Variants in TBX5 observed in about 807,000 individuals in gnomAD.
TBX5 encodes T-box transcription factor TBX5.
A neutral mutation model predicts 51.1 loss-of-function variants in TBX5; 8 were observed. That is an observed-to-expected ratio of 0.16 (90% CI 0.09 to 0.28). The LOEUF (loss-of-function observed/expected upper bound fraction) is 0.28, where lower values mean the gene tolerates loss of function less well. Ranked by LOEUF, TBX5 falls within the 10% of genes least tolerant of loss-of-function variation. The pLI is 1.00. For synonymous variants in TBX5, 302 were observed against 266.4 expected (o/e 1.13, Z -1.30); for missense variants, 589 against 671.7 (o/e 0.88, Z 1.36).
rs1281290809 is a variant in TBX5, at chr12:114,353,965, A to G, written c.*1567T>C. On this transcript the variant is annotated 3_prime_UTR_variant, in exon 9 of 9. Coordinates refer to ENST00000405440, the MANE Select transcript of TBX5 (RefSeq NM_181486.4). Reference sequence around the variant, plus strand: ...AGCACATGGTATTTATTAGGCATTAATTGGCACACAAATATAAGGCACGAG... The same window carrying G: ...AGCACATGGTATTTATTAGGCATTAGTTGGCACACAAATATAAGGCACGAG... 6.6e-6 allele frequency: 1 copy of G among 152,586 alleles called. No homozygotes were observed. The highest frequency in any genetic ancestry group is 2.4e-5 in the African/African-American group (1 of 41,432). The allele number at this position is 152,586 out of a possible 1,614,324, so 9.5% of individuals were successfully genotyped here. A position where few individuals can be genotyped will look rare whatever the true frequency, so the allele number is the denominator to read the frequency against.
rs1868792623 is a variant in TBX5 at position 114,354,999 on chromosome 12, T to C, written c.*533A>G. 6.1e-6 allele frequency: 1 copy of C among 162,612 alleles called. No individual in the cohort carries two copies. Among genetic ancestry groups the C allele is most frequent in the Admixed American group, 5.9e-5 (1 of 16,892 alleles). The allele number at this position is 162,612 out of a possible 1,614,324, so 10.1% of individuals were successfully genotyped here. The stretch of plus-strand genomic sequence containing the variant: ...ATTTAGGTTTCAGGGATGGTTTACT[T>C]GAAGGGAATCCCGCAAGTACATATT... On this transcript the variant is annotated 3_prime_UTR_variant, in exon 9 of 9. Transcript: ENST00000405440.
Position 114,403,955 on chromosome 12 carries a change from G to C in TBX5, c.-38-19C>G. ...TTCTGCTCTGAGGACAAGAAGCAGG[G>C]GGAGATGGGGGTGGGGAGGACAGAG... is the stretch of plus-strand genomic sequence containing the variant. On this transcript the variant is annotated intron_variant, in intron 1 of 8. Transcript: ENST00000405440. 1 of 1,592,052 alleles carries C rather than the reference G, an allele frequency of 6.3e-7. No individual in the cohort carries two copies. Among genetic ancestry groups the C allele is most frequent in the Non-Finnish European group, 8.5e-7 (1 of 1,175,270 alleles).
Position 114,356,098 on chromosome 12 carries a change from A to G in TBX5, c.991T>C (p.Cys331Arg). ...TTATAGGGATGGTCTGTGGTGGAAC[A>G]TTCTTCCTCTGTGAAGACAGGAGAG... ...YHCTKRKEEE[C>R]STTDHPYKKP... The change falls in exon 9 of 9, where the codon TGT (cysteine) becomes CGT (arginine). Residue 331 changes from cysteine to arginine, a missense_variant. By Grantham distance (180) the Cys-to-Arg change is radical. Around this residue, in one of 7 missense-constraint regions of TBX5, gnomAD observed 348 missense variants for 360.4 expected, o/e 0.97. Coordinates refer to ENST00000405440, the MANE Select transcript of TBX5 (RefSeq NM_181486.4). 5 of 1,611,042 alleles carry G rather than the reference A, an allele frequency of 3.1e-6. No homozygotes were observed. The highest frequency in any genetic ancestry group is 2.5e-6 in the Non-Finnish European group (3 of 1,180,000).
At chr12:114,379,067 A>G (rs1870363313) in intron 7 of TBX5, among the ~76,000 whole-genome samples, 1 of 152,220 alleles carries the variant, frequency 6.6e-6, no homozygotes, top group Non-Finnish European at 1.5e-5. Flanking sequence ...ATCCAAAAGC[A>G]GCATCAACTG....
intron 7 of TBX5, among the ~76,000 whole-genome samples, chr12:114,379,525 C>T (rs1870390814): frequency 6.6e-6 from 1 of 152,200 alleles, no homozygotes; most frequent in Admixed American, 6.5e-5. Flanking sequence ...TTGTCCCAGC[C>T]AGCCCAGCTT....
In TBX5 at chr12:114,355,187, G is replaced by A; in HGVS notation, c.*345C>T. On this transcript the variant is annotated 3_prime_UTR_variant, in exon 9 of 9. Coordinates refer to ENST00000405440, the MANE Select transcript of TBX5 (RefSeq NM_181486.4). ...CGCACTAGGGAAAAACACTCAATGA[G>A]GCAAGACTTTCTAGAGCCCAAAAGA... The A allele has an allele frequency of 2.6e-6, 1 of 388,898 alleles. No individual in the cohort carries two copies. Among genetic ancestry groups the A allele is most frequent in the South Asian group, 2.1e-5 (1 of 47,236 alleles). 24.1% of individuals were successfully genotyped at this position (388,898 alleles called of 1,614,324 possible).
chr12:114,373,596 C>A (rs746954732), intron 7 of TBX5, among the ~76,000 whole-genome samples: 1 of 152,112 alleles, frequency 6.6e-6, no homozygotes, highest in Non-Finnish European at 1.5e-5. Flanking sequence ...GTAGCTGGGA[C>A]TGCAAGCACC....
chr12:114,396,420 A>G (rs770255800), intron 5 of TBX5, among the ~76,000 whole-genome samples: 5 of 151,962 alleles, frequency 3.3e-5, no homozygotes, highest in Non-Finnish European at 7.4e-5. Context: ...AATGGCTCCT[A>G]ATTTCATTAG....
At chr12:114,374,596 A>G (rs1350977284) in intron 7 of TBX5, among the ~76,000 whole-genome samples, 2 of 152,182 alleles carry the variant, frequency 1.3e-5, no homozygotes, top group African/African-American at 4.8e-5. Flanking sequence ...TGGTGAAGAG[A>G]AGGAGGCAGG....
chr12:114,392,881 G>A (rs1454752287), intron 6 of TBX5, among the ~76,000 whole-genome samples: 2 of 152,160 alleles, frequency 1.3e-5, no homozygotes, highest in African/African-American at 4.8e-5. Flanking sequence ...GGTTCAACAG[G>A]TGGAAGGATA....
At chr12:114,387,680 G>A (rs947961727) in intron 6 of TBX5, among the ~76,000 whole-genome samples, 3 of 152,312 alleles carry the variant, frequency 2.0e-5, no homozygotes, top group Admixed American at 2.0e-4. Flanking sequence ...ATGATGATGT[G>A]TCAGTGTAGG....
At position 114,399,503 on chromosome 12, in the gene TBX5, C is replaced by G. The variant is rs371966470; in HGVS notation, c.362+10G>C. 6.2e-7 allele frequency: 1 copy of G among 1,613,902 alleles called. No individual in the cohort carries two copies. The highest frequency in any genetic ancestry group is 8.5e-7 in the Non-Finnish European group (1 of 1,180,004). Reference sequence around the variant, plus strand: ...TCTCTCCCCGCTCCACCTGCCACCCCAGTGCCTACCATTTATTATCTGCGA... The same window carrying G: ...TCTCTCCCCGCTCCACCTGCCACCCGAGTGCCTACCATTTATTATCTGCGA... On this transcript the variant is annotated intron_variant, in intron 4 of 8. Transcript: ENST00000405440.
At chr12:114,367,164 G>GAA (rs541917822) in intron 7 of TBX5, among the ~76,000 whole-genome samples, 138 of 149,524 alleles carry the variant, frequency 9.2e-4, no homozygotes, top group Non-Finnish European at 1.5e-3. Context: ...TAGAGGGAGG[G>GAA]AAAAAAGAGA....
intron 1 of TBX5, among the ~76,000 whole-genome samples, chr12:114,405,218 C>G (rs535414882): frequency 3.3e-4 from 51 of 152,320 alleles, no homozygotes; most frequent in African/African-American, 6.3e-4. Context: ...CAGCTTTCTT[C>G]GCCTCGTTCT....
intron 8 of TBX5, among the ~76,000 whole-genome samples, chr12:114,365,003 C>A (rs896722093): frequency 3.3e-5 from 5 of 151,842 alleles, no homozygotes; most frequent in Admixed American, 1.3e-4. Context: ...TATTCTGGCT[C>A]ACAAGAAGGG....
At chr12:114,380,438 C>T (rs1007312483) in intron 7 of TBX5, among the ~76,000 whole-genome samples, 1 of 152,180 alleles carries the variant, frequency 6.6e-6, no homozygotes, top group Non-Finnish European at 1.5e-5. Context: ...GTTAATATTT[C>T]CTCTTTAATC....
intron 8 of TBX5, 166 bp downstream of exon 8, chr12:114,365,999 G>T: frequency 6.0e-6 from 5 of 830,006 alleles, no homozygotes; most frequent in Admixed American, 2.1e-5. Context: ...GGAACTTTTT[G>T]TTTTAGCTGT....
intron 7 of TBX5, among the ~76,000 whole-genome samples, chr12:114,371,050 T>C (rs1449358700): frequency 6.6e-6 from 1 of 152,118 alleles, no homozygotes; most frequent in African/African-American, 2.4e-5. Context: ...TAATAAGCAA[T>C]TGTTACCTCC....
At position 114,366,148 on chromosome 12, in the gene TBX5, G is replaced by A. The variant is rs1322337311; in HGVS notation, c.982+17C>T. 5.6e-6 allele frequency: 9 copies of A among 1,610,284 alleles called. No homozygotes were observed. Among genetic ancestry groups the A allele is most frequent in the African/African-American group, 4.0e-5 (3 of 74,832 alleles). ...GGTAAGAAAGAAAGCAAATTGACCA[G>A]GGGTGATCACACTCACCTTTCCTCT... On this transcript the variant is annotated intron_variant, in intron 8 of 8. Coordinates refer to ENST00000405440, the MANE Select transcript of TBX5 (RefSeq NM_181486.4).
Sources: allele counts gnomAD v4.1 joint callset (sites outside exome capture counted in the v4.1 genomes callset), GRCh38; gene constraint gnomAD v4.1.1; regional missense constraint gnomAD v4.1.1; transcripts MANE v1.5; gene names NCBI Gene and HGNC (gene_info 2026-07-23, HGNC 2026-07-21).